The following CATSPER3 variants were observed in gnomAD, a reference collection of about 807,000 sequenced individuals.
CATSPER3 encodes the protein cation channel sperm-associated protein 3.
A neutral mutation model predicts 36.6 loss-of-function variants in CATSPER3; 23 were observed. The observed-to-expected ratio is 0.63, with a 90% confidence interval of 0.45 to 0.89. The LOEUF is 0.89. Among genes scored for constraint, CATSPER3 ranks in the 40% least tolerant of loss-of-function variants. CATSPER3 has a pLI of 0.00. For missense variants in CATSPER3, 474 were observed against 503.9 expected, an observed-to-expected ratio of 0.94 and a Z score of 0.57; for synonymous variants, 172 against 184.1, an observed-to-expected ratio of 0.93 and a Z score of 0.53.
intron 3 of CATSPER3, among the ~76,000 whole-genome samples, chr5:135,002,712 A>G (rs891838845): frequency 6.6e-6 from 1 of 152,176 alleles, no homozygotes; most frequent in African/African-American, 2.4e-5. Flanking sequence ...TTGATCTTCA[A>G]TCACTGATAC....
chr5:135,006,853 AT>A lies in CATSPER3; in HGVS notation c.493-1103del, dbSNP rs1374598379. On this transcript the variant is annotated intron_variant, in intron 3 of 7. Coordinates refer to ENST00000282611, the MANE Select transcript of CATSPER3 (RefSeq NM_178019.3). ...TCCGTCTCGAAAAAAAAAAAAAATA[AT>A]AATAATAATAATAATAAAATCTCAG... Among the ~76,000 whole-genome samples the A allele has an allele frequency of 1.7e-3, 241 of 138,872 alleles. 5 individuals carry two copies. The highest frequency in any genetic ancestry group is 5.6e-3 in the East Asian group (27 of 4,818). The allele number at this position is 138,872 out of a possible 152,430, so 91.1% of individuals were successfully genotyped here.
At chr5:134,988,003 G>C (rs997503220) in intron 2 of CATSPER3, among the ~76,000 whole-genome samples, 3 of 152,182 alleles carry the variant, frequency 2.0e-5, no homozygotes, top group Non-Finnish European at 4.4e-5. Context: ...AAGATGTAAA[G>C]CTATGGATAT....
intron 2 of CATSPER3, among the ~76,000 whole-genome samples, chr5:134,987,685 G>A (rs1343160896): frequency 6.6e-6 from 1 of 152,090 alleles, no homozygotes; most frequent in African/African-American, 2.4e-5. Context: ...TAATACACCA[G>A]TAGAGTGAAG....
At chr5:134,998,858 G>T (rs1186364436) in intron 3 of CATSPER3, among the ~76,000 whole-genome samples, 1 of 152,192 alleles carries the variant, frequency 6.6e-6, no homozygotes, top group East Asian at 1.9e-4. Flanking sequence ...CTCCCATTCT[G>T]TAGGTTGCCT....
chr5:135,004,177 C>T (rs1395692360), intron 3 of CATSPER3, among the ~76,000 whole-genome samples: 1 of 152,260 alleles, frequency 6.6e-6, no homozygotes, highest in Admixed American at 6.5e-5. Context: ...AGCTTAGACT[C>T]CTCTCTCAAG....
chr5:135,004,426 T>C (rs186356569), intron 3 of CATSPER3, among the ~76,000 whole-genome samples: 221 of 152,228 alleles, frequency 1.5e-3, no homozygotes, highest in African/African-American at 4.8e-3. Context: ...CAGTGTGTCC[T>C]AAGAGGAAGG....
intron 3 of CATSPER3, among the ~76,000 whole-genome samples, chr5:135,002,423 A>C (rs988842027): frequency 6.6e-6 from 1 of 152,148 alleles, no homozygotes; most frequent in Non-Finnish European, 1.5e-5. Context: ...ACTTTGGTGA[A>C]TCTGACAATT....
chr5:135,005,044 G>A (rs1003344887), intron 3 of CATSPER3, among the ~76,000 whole-genome samples: 5 of 152,092 alleles, frequency 3.3e-5, no homozygotes, highest in Admixed American at 2.0e-4. Flanking sequence ...AGGAAAAGGA[G>A]ACCCAGGACC....
chr5:135,002,322 C>G (rs979803901), intron 3 of CATSPER3, among the ~76,000 whole-genome samples: 1 of 152,120 alleles, frequency 6.6e-6, no homozygotes, highest in East Asian at 1.9e-4. Flanking sequence ...GAATTTCTGC[C>G]GAGAGATCAG....
chr5:135,009,264 G>T lies in CATSPER3; in HGVS notation c.817-107G>T, dbSNP rs1045894733. The T allele has an allele frequency of 3.3e-6, 4 of 1,222,642 alleles. No homozygotes were observed. In the East Asian group the frequency reaches 9.3e-5, roughly 28 times the overall value. The allele number at this position is 1,222,642 out of a possible 1,614,324, so 75.7% of individuals were successfully genotyped here. A position where few individuals can be genotyped will look rare whatever the true frequency, so the allele number is the denominator to read the frequency against. ...CGGCTGGCCCTGTGTGGGGAAAAGT[G>T]CTCCTGCTGAGGGCCTGAGCAGCGG... On this transcript the variant is annotated intron_variant, in intron 5 of 7. Transcript: ENST00000282611.
intron 7 of CATSPER3, 40 bp downstream of exon 7, chr5:135,010,570 C>T (rs372406367): frequency 4.5e-5 from 71 of 1,595,174 alleles, no homozygotes; most frequent in Non-Finnish European, 5.7e-5. Flanking sequence ...CCTAGGGCTT[C>T]CTCGAGGTTG....
At chr5:134,972,090 T>A (rs1158307226) in intron 2 of CATSPER3, among the ~76,000 whole-genome samples, 2 of 152,000 alleles carry the variant, frequency 1.3e-5, no homozygotes, top group African/African-American at 4.8e-5. Context: ...TAGAGAATAA[T>A]CCCCTTATAC....
At chr5:135,002,440 C>T (rs922076135) in intron 3 of CATSPER3, among the ~76,000 whole-genome samples, 1 of 152,104 alleles carries the variant, frequency 6.6e-6, no homozygotes, top group Non-Finnish European at 1.5e-5. Flanking sequence ...AATTATGAGT[C>T]TTGGAGTTGC....
intron 2 of CATSPER3, among the ~76,000 whole-genome samples, chr5:134,979,985 T>C (rs950657383): frequency 9.8e-6 from 1 of 102,550 alleles, no homozygotes; most frequent in South Asian, 3.2e-4. Context: ...TTCCCTCCTT[T>C]TCTTCTTTCT....
chr5:134,971,440 C>A (rs574280457), intron 2 of CATSPER3, among the ~76,000 whole-genome samples: 3 of 152,058 alleles, frequency 2.0e-5, no homozygotes, highest in Admixed American at 6.6e-5. Context: ...ACCAAAAAAA[C>A]CAGAGCAACT....
rs1193187332 is a variant in CATSPER3, at chr5:135,010,675, G to A, written c.1094+145G>A. 6.5e-6 allele frequency: 5 copies of A among 772,714 alleles called. No homozygotes were observed. The Admixed American group carries it at 1.0e-4, about 15-fold the overall frequency. 47.9% of individuals were successfully genotyped at this position (772,714 alleles called of 1,614,324 possible). On this transcript the variant is annotated intron_variant, in intron 7 of 7. Coordinates refer to ENST00000282611, the MANE Select transcript of CATSPER3 (RefSeq NM_178019.3). ...GAACATGGCTTTCTTGGGGTTACAGGATTCCATATATACACAGGGGCTGGG... is the reference window on the plus strand; with the variant it reads ...GAACATGGCTTTCTTGGGGTTACAGAATTCCATATATACACAGGGGCTGGG...
intron 2 of CATSPER3, among the ~76,000 whole-genome samples, chr5:134,988,861 G>A (rs1751846468): frequency 6.6e-6 from 1 of 151,852 alleles, no homozygotes; most frequent in African/African-American, 2.4e-5. Context: ...CTTTCCAGAA[G>A]GTTTTCAATT....
intron 2 of CATSPER3, among the ~76,000 whole-genome samples, chr5:134,993,597 A>T (rs1380984972): frequency 6.6e-6 from 1 of 152,180 alleles, no homozygotes; most frequent in African/African-American, 2.4e-5. Flanking sequence ...GGAAGTACAG[A>T]TACGGTAGAT....
At chr5:134,975,980 A>G (rs954592849) in intron 2 of CATSPER3, among the ~76,000 whole-genome samples, 10 of 152,234 alleles carry the variant, frequency 6.6e-5, no homozygotes, top group Non-Finnish European at 1.2e-4. Flanking sequence ...AGCAATGTGG[A>G]TGAACTTAGA....
Sources: allele counts gnomAD v4.1 joint callset (sites outside exome capture counted in the v4.1 genomes callset), GRCh38; gene constraint gnomAD v4.1.1; transcripts MANE v1.5; gene names NCBI Gene and HGNC (gene_info 2026-07-23, HGNC 2026-07-21).